SRPK1: variants seen among roughly 807,000 people sequenced by gnomAD.
SRPK1 encodes SRSF protein kinase 1, also known as SFRS protein kinase 1.
A neutral mutation model predicts 89.5 loss-of-function variants in SRPK1; 52 were observed. The ratio of observed to expected loss-of-function variants is 0.58; its 90% CI spans 0.46 to 0.73. The LOEUF (loss-of-function observed/expected upper bound fraction) is 0.73, where lower values mean the gene tolerates loss of function less well. SRPK1 is among the 30% of genes least tolerant of loss of function. The probability of loss-of-function intolerance (pLI) is 0.00; values close to 1 mark genes in which losing one functional copy is unlikely to be tolerated. For synonymous variants in SRPK1, 255 were observed against 270.2 expected, an observed-to-expected ratio of 0.94 and a Z score of 0.55; for missense variants, 603 against 780.6, an observed-to-expected ratio of 0.77 and a Z score of 2.71.
chr6:35,863,362 C>T (rs1354913487), intron 12 of SRPK1, among the ~76,000 whole-genome samples: 1 of 147,536 alleles, frequency 6.8e-6, no homozygotes, highest in East Asian at 2.0e-4. Context: ...GAGGCTGGGG[C>T]AGGAGGACTG....
intron 2 of SRPK1, among the ~76,000 whole-genome samples, chr6:35,897,842 C>A (rs375105918): frequency 1.1e-4 from 16 of 152,128 alleles, no homozygotes; most frequent in Admixed American, 1.0e-3. Context: ...GCTTCCACTG[C>A]GTATTCTATT....
At chr6:35,913,935 A>G (rs1465798240) in intron 2 of SRPK1, among the ~76,000 whole-genome samples, 5 of 151,748 alleles carry the variant, frequency 3.3e-5, no homozygotes, top group Admixed American at 3.3e-4. Flanking sequence ...AAGCTGAGAA[A>G]TAAAAGTCTG....
chr6:35,890,904 AATCATT>A lies in SRPK1; in HGVS notation c.178_183del (p.Asn60_Asp61del), dbSNP rs2127258233. The A allele has an allele frequency of 6.5e-7, 1 of 1,549,748 alleles. No individual in the cohort carries two copies. Among genetic ancestry groups the A allele is most frequent in the South Asian group, 1.2e-5 (1 of 83,504 alleles). The stretch of plus-strand genomic sequence containing the variant: ...CTCTTTATGAACTTACCTTTACAAT[AATCATT>A]AGGATCTTCTTGCTCATCATCATCA... On this transcript the variant is annotated inframe_deletion, in exon 3 of 16. Coordinates refer to ENST00000373825, the MANE Select transcript of SRPK1 (RefSeq NM_003137.5).
intron 2 of SRPK1, among the ~76,000 whole-genome samples, chr6:35,914,838 G>A (rs1771052937): frequency 6.7e-6 from 1 of 150,190 alleles, no homozygotes; most frequent in Non-Finnish European, 1.5e-5. Flanking sequence ...TTGCTTTGTT[G>A]CCCAGGCTAG....
chr6:35,882,191 AAAAG>A (rs1404476632), intron 6 of SRPK1, among the ~76,000 whole-genome samples: 1 of 150,820 alleles, frequency 6.6e-6, no homozygotes, highest in Admixed American at 6.6e-5. Context: ...GAAGAAGACA[AAAAG>A]AAAATAAAGC....
At chr6:35,869,362 G>A (rs1261564680) in intron 11 of SRPK1, 120 bp downstream of exon 11, 19 of 1,232,958 alleles carry the variant, frequency 1.5e-5, no homozygotes, top group East Asian at 1.2e-4. Flanking sequence ...CAATTTAAAC[G>A]TAACTTAGAC....
chr6:35,868,278 C>A (rs1480754822), intron 12 of SRPK1, among the ~76,000 whole-genome samples: 1 of 152,194 alleles, frequency 6.6e-6, no homozygotes, highest in Non-Finnish European at 1.5e-5. Flanking sequence ...GCCACCGTGC[C>A]TGGCTAACTG....
rs887822780 is a variant in SRPK1 at position 35,834,174 on chromosome 6, CA to C, written c.*1129del. ...CGAACCAACCAACCAAAAAACAAAA[CA>C]AAACAAGACCAACAAAAAAAAGTGC... is the stretch of plus-strand genomic sequence containing the variant. On this transcript the variant is annotated 3_prime_UTR_variant, in exon 16 of 16. Transcript: ENST00000373825. 2.6e-5 allele frequency: 4 copies of C among 152,290 alleles called. No homozygotes were observed. Among genetic ancestry groups the C allele is most frequent in the Admixed American group, 2.0e-4 (3 of 15,248 alleles). 9.4% of individuals were successfully genotyped at this position (152,290 alleles called of 1,614,324 possible).
At chr6:35,854,899 C>A (rs1769635072) in intron 13 of SRPK1, among the ~76,000 whole-genome samples, 2 of 152,214 alleles carry the variant, frequency 1.3e-5, no homozygotes, top group Non-Finnish European at 2.9e-5. Flanking sequence ...CCTCAATAAG[C>A]AAAGCTTTAA....
At chr6:35,920,422 G>A (rs1771208262) in intron 2 of SRPK1, 46 bp downstream of exon 2, 2 of 1,602,162 alleles carry the variant, frequency 1.2e-6, no homozygotes, top group Non-Finnish European at 1.7e-6. Flanking sequence ...CAGAGAAGGT[G>A]CCGGAGGAAA....
chr6:35,837,062 A>G (rs748839931), intron 15 of SRPK1, among the ~76,000 whole-genome samples: 2 of 152,246 alleles, frequency 1.3e-5, no homozygotes, highest in Non-Finnish European at 2.9e-5. Context: ...TAGAAAAACC[A>G]GACCATTTCC....
chr6:35,877,096 C>T (rs1011600606), intron 6 of SRPK1, among the ~76,000 whole-genome samples: 3 of 152,138 alleles, frequency 2.0e-5, no homozygotes, highest in Non-Finnish European at 2.9e-5. Context: ...GAGAACAATG[C>T]CCAGCATTCG....
chr6:35,908,301 A>G (rs1770892527), intron 2 of SRPK1, among the ~76,000 whole-genome samples: 1 of 152,224 alleles, frequency 6.6e-6, no homozygotes, highest in Admixed American at 6.5e-5. Flanking sequence ...GGAGCTTCCT[A>G]GAGACTTGCA....
chr6:35,855,520 C>G (rs537038293), intron 13 of SRPK1, among the ~76,000 whole-genome samples: 1 of 152,130 alleles, frequency 6.6e-6, no homozygotes, highest in Non-Finnish European at 1.5e-5. Context: ...TTAAATGTTA[C>G]TTGAAATGAG....
chr6:35,862,589 C>T (rs1412658689), intron 12 of SRPK1, among the ~76,000 whole-genome samples: 3 of 152,034 alleles, frequency 2.0e-5, no homozygotes, highest in Non-Finnish European at 2.9e-5. Flanking sequence ...CAGATATCAA[C>T]GGAAGGACAC....
chr6:35,906,560 T>A (rs763694944), intron 2 of SRPK1, among the ~76,000 whole-genome samples: 2 of 152,180 alleles, frequency 1.3e-5, no homozygotes, highest in African/African-American at 2.4e-5. Flanking sequence ...TCACTAAAGA[T>A]AACATATGTT....
intron 1 of SRPK1, 37 bp downstream of exon 1, chr6:35,921,007 C>G (rs1345493492): frequency 6.5e-7 from 1 of 1,536,240 alleles, no homozygotes. Context: ...CCCCGGCGAC[C>G]ATTGCCCCTC....
Position 35,869,467 on chromosome 6 carries a change from T to G in SRPK1, c.1411+15A>C, listed in dbSNP as rs764256849. 8 of 1,608,228 alleles carry G rather than the reference T, an allele frequency of 5.0e-6. No homozygotes were observed. In the African/African-American group the frequency reaches 1.1e-4, roughly 21 times the overall value. ...GCAGGGAAGGAGTGTTGAGGAAGTA[T>G]AGCTGCATAGGTACCTTTGTTGTCC... On this transcript the variant is annotated intron_variant, in intron 11 of 15. Coordinates refer to ENST00000373825, the MANE Select transcript of SRPK1 (RefSeq NM_003137.5).
chr6:35,838,302 T>C lies in SRPK1; in HGVS notation c.1783+35A>G, dbSNP rs376034259. The C allele has an allele frequency of 9.4e-5, 135 of 1,432,934 alleles. 1 individual carries two copies. Among genetic ancestry groups the C allele is most frequent in the Non-Finnish European group, 1.2e-4 (127 of 1,063,564 alleles). The allele number at this position is 1,432,934 out of a possible 1,614,324, so 88.8% of individuals were successfully genotyped here. On this transcript the variant is annotated intron_variant, in intron 15 of 15. Transcript: ENST00000373825. Reference sequence around the variant, plus strand: ...TTACCTCTTCATTTTTAAACACTTCTGCCTCCTTAATGTCTGGGAACACAT... The same window carrying C: ...TTACCTCTTCATTTTTAAACACTTCCGCCTCCTTAATGTCTGGGAACACAT...
Sources: gnomAD v4.1 joint callset for allele counts (sites outside exome capture counted in the v4.1 genomes callset) on GRCh38, gnomAD v4.1.1 for gene constraint, MANE v1.5 for transcripts, NCBI Gene and HGNC (gene_info 2026-07-23, HGNC 2026-07-21) for gene names.